The following TMTC1 variants were observed in gnomAD, a reference collection of about 807,000 sequenced individuals.
TMTC1 encodes the protein transmembrane O-mannosyltransferase targeting cadherins 1.
In TMTC1, 73 loss-of-function variants were observed where a neutral mutation model predicts 104.8. The observed-to-expected ratio is 0.70, with a 90% CI of 0.58 to 0.85. The LOEUF (loss-of-function observed/expected upper bound fraction) is 0.85. Ranked by LOEUF, TMTC1 falls within the 40% of genes least tolerant of loss-of-function variation. The pLI, the probability that TMTC1 is intolerant of heterozygous loss-of-function variation, is 0.00. For missense variants in TMTC1, 1,035 were observed against 1,096.1 expected (o/e 0.94, Z 0.79); for synonymous variants, 434 against 428.7 (o/e 1.01, Z -0.15).
chr12:29,752,794 C>T (rs763901760), intron 4 of TMTC1, among the ~76,000 whole-genome samples: 2 of 151,890 alleles, frequency 1.3e-5, no homozygotes, highest in South Asian at 4.2e-4. Context: ...TTGCTATTCA[C>T]TAGCATGTGT....
chr12:29,638,360 G>A (rs1325894115), intron 5 of TMTC1, among the ~76,000 whole-genome samples: 1 of 152,028 alleles, frequency 6.6e-6, no homozygotes, highest in Non-Finnish European at 1.5e-5. Flanking sequence ...TTCAGCTGAG[G>A]GTGATCGGCT....
At chr12:29,777,389 C>T (rs555607818) in intron 1 of TMTC1, among the ~76,000 whole-genome samples, 19 of 152,156 alleles carry the variant, frequency 1.2e-4, no homozygotes, top group East Asian at 7.7e-4. Flanking sequence ...CCACCGTGCC[C>T]GACCTCCTTA....
chr12:29,679,685 C>T (rs1318829728), intron 5 of TMTC1, among the ~76,000 whole-genome samples: 1 of 150,776 alleles, frequency 6.6e-6, no homozygotes, highest in Non-Finnish European at 1.5e-5. Flanking sequence ...TAAAGCTAAA[C>T]CAAACTGAAG....
intron 5 of TMTC1, among the ~76,000 whole-genome samples, chr12:29,637,568 G>GGAAA (rs1294818061): frequency 6.6e-6 from 1 of 152,166 alleles, no homozygotes; most frequent in Admixed American, 6.5e-5. Flanking sequence ...AACATGAAAG[G>GGAAA]GAAAGGCAAG....
At chr12:29,760,748 T>C (rs574431965) in intron 2 of TMTC1, among the ~76,000 whole-genome samples, 1 of 151,614 alleles carries the variant, frequency 6.6e-6, no homozygotes, top group African/African-American at 2.4e-5. Flanking sequence ...ATAAATTTTA[T>C]GTGTAGCAAT....
chr12:29,668,034 C>T (rs1168871021), intron 5 of TMTC1, among the ~76,000 whole-genome samples: 1 of 152,210 alleles, frequency 6.6e-6, no homozygotes, highest in Admixed American at 6.5e-5. Flanking sequence ...CTGTACAGCA[C>T]AGAAGTAAAA....
intron 2 of TMTC1, among the ~76,000 whole-genome samples, chr12:29,761,243 GAA>G (rs984359146): frequency 2.7e-5 from 4 of 150,922 alleles, no homozygotes; most frequent in African/African-American, 9.7e-5. Flanking sequence ...AAACTGAAGA[GAA>G]ATGACTAATG....
intron 9 of TMTC1, among the ~76,000 whole-genome samples, chr12:29,558,876 C>T (rs1193284337): frequency 6.6e-6 from 1 of 152,186 alleles, no homozygotes; most frequent in African/African-American, 2.4e-5. Flanking sequence ...CTGTACCTGT[C>T]CCTTCACTCC....
intron 6 of TMTC1, among the ~76,000 whole-genome samples, chr12:29,624,005 A>G (rs1453986358): frequency 1.3e-5 from 2 of 151,810 alleles, no homozygotes; most frequent in African/African-American, 4.8e-5. Context: ...GTTTTTTGAG[A>G]TGGAGTCTCT....
chr12:29,659,951 T>C, intron 5 of TMTC1: 3 of 1,536,016 alleles, frequency 2.0e-6, no homozygotes, highest in Non-Finnish European at 2.6e-6. Flanking sequence ...ATCCTCCCAT[T>C]ATCCACAGAC....
At chr12:29,705,976 T>C (rs1941730750) in intron 5 of TMTC1, among the ~76,000 whole-genome samples, 1 of 152,178 alleles carries the variant, frequency 6.6e-6, no homozygotes, top group South Asian at 2.1e-4. Context: ...TATAAAAAGC[T>C]ATTTAAAGCT....
intron 5 of TMTC1, among the ~76,000 whole-genome samples, chr12:29,701,708 T>C (rs1225826463): frequency 1.3e-5 from 2 of 152,202 alleles, no homozygotes; most frequent in Non-Finnish European, 2.9e-5. Flanking sequence ...CCTTGTCAGG[T>C]AGCTACAGGC....
rs71985661 is a variant in TMTC1, at chr12:29,600,010, T to TATATATA, written c.1250+4167_1250+4168insTATATAT. Among the ~76,000 whole-genome samples, 579 of 96,314 alleles carry TATATATA rather than the reference T, an allele frequency of 6.0e-3. 4 individuals are homozygous for TATATATA. Among genetic ancestry groups the TATATATA allele is most frequent in the Admixed American group, 0.031 (334 of 10,650 alleles). The allele number at this position is 96,314 out of a possible 152,430, so 63.2% of individuals were successfully genotyped here. On this transcript the variant is annotated intron_variant, in intron 7 of 17. Coordinates refer to ENST00000539277, the MANE Select transcript of TMTC1 (RefSeq NM_001193451.2). ...TGTATATACATATATATATATATAT[T>TATATATA]TTTTTTTTTTTTTCCCTCAAAAGAG...
At chr12:29,623,421 A>T (rs1160052642) in intron 6 of TMTC1, among the ~76,000 whole-genome samples, 1 of 152,236 alleles carries the variant, frequency 6.6e-6, no homozygotes, top group Non-Finnish European at 1.5e-5. Context: ...CTGGTTGATG[A>T]TGAAATAGGA....
chr12:29,695,828 T>TATATATATATATATATATATATAA (rs1243156784), intron 5 of TMTC1, among the ~76,000 whole-genome samples: 1 of 106,174 alleles, frequency 9.4e-6, no homozygotes, highest in South Asian at 3.0e-4. Context: ...TATATATATA[T>TATATATATATATATATATATATAA]AACCTGTCTT....
intron 11 of TMTC1, among the ~76,000 whole-genome samples, chr12:29,526,966 T>C (rs1205621613): frequency 6.6e-6 from 1 of 152,158 alleles, no homozygotes; most frequent in Non-Finnish European, 1.5e-5. Flanking sequence ...TGACAATGCT[T>C]CTCATAGTTT....
rs1426235781 is a variant in TMTC1 at position 29,501,190 on chromosome 12, T to A, written c.*5656A>T. 1 of 152,178 alleles carries A rather than the reference T, an allele frequency of 6.6e-6. No homozygotes were observed. Among genetic ancestry groups the A allele is most frequent in the African/African-American group, 2.4e-5 (1 of 41,434 alleles). The allele number at this position is 152,178 out of a possible 1,614,324, so 9.4% of individuals were successfully genotyped here. A position where few individuals can be genotyped will look rare whatever the true frequency, so the allele number is the denominator to read the frequency against. On this transcript the variant is annotated 3_prime_UTR_variant, in exon 18 of 18. Transcript: ENST00000539277. ...GTTTCACCTCATCTTTTTTCCCCAG[T>A]AAAGTAACAATCACTGTAGGAATTT...
intron 5 of TMTC1, among the ~76,000 whole-genome samples, chr12:29,686,986 A>T (rs1287367981): frequency 8.7e-6 from 1 of 114,430 alleles, no homozygotes; most frequent in Non-Finnish European, 1.9e-5. Flanking sequence ...ATTTTTTATT[A>T]AAAAAATGAG....
intron 5 of TMTC1, among the ~76,000 whole-genome samples, chr12:29,728,090 T>C (rs1378515889): frequency 6.6e-6 from 1 of 152,214 alleles, no homozygotes; most frequent in African/African-American, 2.4e-5. Flanking sequence ...ATATTACAAC[T>C]TTTGGCGGAG....
Sources: gnomAD v4.1 joint callset for allele counts (sites outside exome capture counted in the v4.1 genomes callset) on GRCh38, gnomAD v4.1.1 for gene constraint, MANE v1.5 for transcripts, NCBI Gene and HGNC (gene_info 2026-07-23, HGNC 2026-07-21) for gene names.